The following MYL2 variants were observed in gnomAD, a reference collection of about 807,000 sequenced individuals.
The protein encoded by MYL2 is myosin light chain 2.
MYL2 carries 19 observed loss-of-function variants against 23.0 expected under a neutral mutation model. The ratio of observed to expected loss-of-function variants is 0.83; its 90% CI spans 0.58 to 1.21. The LOEUF (loss-of-function observed/expected upper bound fraction) is 1.21. MYL2 is among the 50% of genes most tolerant of loss of function. The pLI is 0.00. For synonymous variants in MYL2, 78 were observed against 76.2 expected (o/e 1.02, Z -0.13); for missense variants, 180 against 215.1 (o/e 0.84, Z 1.02).
At chr12:110,912,262 C>CAAAGCAAA (rs2071657894) in intron 6 of MYL2, among the ~76,000 whole-genome samples, 2 of 151,948 alleles carry the variant, frequency 1.3e-5, no homozygotes, top group Admixed American at 1.3e-4. Flanking sequence ...GCAAAAGTGC[C>CAAAGCAAA]CCTTCTACCA....
rs1592798234 is a variant in MYL2 at position 110,910,910 on chromosome 12, A to G, written c.*167T>C. 1.5e-6 allele frequency: 1 copy of G among 678,390 alleles called. No individual in the cohort carries two copies. 42.0% of individuals were successfully genotyped at this position (678,390 alleles called of 1,614,324 possible). On this transcript the variant is annotated 3_prime_UTR_variant, in exon 7 of 7. Coordinates refer to ENST00000228841, the MANE Select transcript of MYL2 (RefSeq NM_000432.4). ...ATTTCCAACTGTAGGATGTGCGGCC[A>G]CGAAGTACCCATAGCCACCCAGGCT... is the stretch of plus-strand genomic sequence containing the variant.
Position 110,910,915 on chromosome 12 carries a change from G to T in MYL2, c.*162C>A, listed in dbSNP as rs1369224064. The stretch of plus-strand genomic sequence containing the variant: ...CAACTGTAGGATGTGCGGCCACGAA[G>T]TACCCATAGCCACCCAGGCTGCAAA... On this transcript the variant is annotated 3_prime_UTR_variant, in exon 7 of 7. Coordinates refer to ENST00000228841, the MANE Select transcript of MYL2 (RefSeq NM_000432.4). 6 of 697,022 alleles carry T rather than the reference G, an allele frequency of 8.6e-6. No individual in the cohort carries two copies. The highest frequency in any genetic ancestry group is 1.6e-5 in the Non-Finnish European group (6 of 386,272). 43.2% of individuals were successfully genotyped at this position (697,022 alleles called of 1,614,324 possible).
chr12:110,921,198 C>T (rs992280405), upstream of MYL2, among the ~76,000 whole-genome samples: 1 of 151,384 alleles, frequency 6.6e-6, no homozygotes, highest in Admixed American at 6.6e-5. Flanking sequence ...TGTCTCTACG[C>T]AAAAGAAAAA....
chr12:110,918,530 A>G lies in MYL2; in HGVS notation c.93+574T>C, dbSNP rs1307082677. On this transcript the variant is annotated intron_variant, in intron 2 of 6. Coordinates refer to ENST00000228841, the MANE Select transcript of MYL2 (RefSeq NM_000432.4). The surrounding 1 kb of genome is among the most constrained non-coding windows in gnomAD (Gnocchi z 4.4). ...TTAGTTCTTTTGTTGTTGTTGTTTT[A>G]AGTTCCTTTGACCCAGCAGTTCTGC... Among the ~76,000 whole-genome samples, 1 of 152,180 alleles carries G rather than the reference A, an allele frequency of 6.6e-6. No individual in the cohort carries two copies. Among genetic ancestry groups the G allele is most frequent in the African/African-American group, 2.4e-5 (1 of 41,438 alleles).
intron 1 of MYL2, among the ~76,000 whole-genome samples, chr12:110,919,856 C>T (rs1419693070): frequency 6.6e-6 from 1 of 152,186 alleles, no homozygotes; most frequent in Non-Finnish European, 1.5e-5. Context: ...TTCTCATAAC[C>T]ACTCTGTCAA....
intron 1 of MYL2, 143 bp downstream of exon 1, chr12:110,920,384 C>G (rs576447392): frequency 8.6e-7 from 1 of 1,156,448 alleles, no homozygotes; most frequent in Admixed American, 1.7e-5. Flanking sequence ...CCTCTGTGCC[C>G]GCGCAGTCAA....
intron 4 of MYL2, among the ~76,000 whole-genome samples, 189 bp downstream of exon 4, chr12:110,913,997 T>C (rs1219502532): frequency 2.3e-4 from 35 of 152,208 alleles, no homozygotes; most frequent in Admixed American, 2.3e-3. Flanking sequence ...CCTCAAGTGA[T>C]CTGCCCGCCT....
intron 3 of MYL2, 121 bp downstream of exon 3, chr12:110,915,592 TTG>T (rs1405828033): frequency 1.0e-6 from 1 of 999,110 alleles, no homozygotes; most frequent in African/African-American, 1.6e-5. Flanking sequence ...TAAAGACCAG[TTG>T]TGGCAGAGTT....
At chr12:110,917,946 C>T (rs1261437909) in intron 2 of MYL2, among the ~76,000 whole-genome samples, 2 of 152,032 alleles carry the variant, frequency 1.3e-5, no homozygotes, top group Non-Finnish European at 2.9e-5. Context: ...TAGCTGGGCA[C>T]AGTGGTGTGT....
upstream of MYL2, chr12:110,920,733 G>T: frequency 1.4e-6 from 1 of 700,294 alleles, no homozygotes; most frequent in Non-Finnish European, 2.5e-6. Flanking sequence ...ACTCGCCACT[G>T]GGTGACACGT....
intron 3 of MYL2, 122 bp from the exon 4 acceptor site, chr12:110,914,412 T>G (rs1034078983): frequency 4.1e-6 from 3 of 737,792 alleles, no homozygotes; most frequent in African/African-American, 1.7e-5. Context: ...AGAGATGGGG[T>G]GGATGGAGGC....
chr12:110,920,291 A>G (rs1037231892), intron 1 of MYL2, among the ~76,000 whole-genome samples: 4 of 138,286 alleles, frequency 2.9e-5, no homozygotes, highest in African/African-American at 1.1e-4. Context: ...ACAAGCCATA[A>G]AAAAGCCAAC....
intron 6 of MYL2, 73 bp from the exon 7 acceptor site, chr12:110,911,248 GGGGCCTGAGTGGACGGATAGCT>G: frequency 1.9e-6 from 1 of 517,498 alleles, no homozygotes; most frequent in Non-Finnish European, 3.4e-6. Context: ...GGCTGTGGGC[GGGGCCTGAGTGGACGGATAGCT>G]GGGGGGTGGG....
intron 6 of MYL2, among the ~76,000 whole-genome samples, chr12:110,911,537 ACTTTTCCTTC>A (rs1340289362): frequency 6.6e-6 from 1 of 152,116 alleles, no homozygotes; most frequent in African/African-American, 2.4e-5. Flanking sequence ...TCCTTCATGC[ACTTTTCCTTC>A]CTTGCCCTTC....
intron 1 of MYL2, 62 bp from the exon 2 acceptor site, chr12:110,919,255 C>T (rs538286849): frequency 2.3e-5 from 32 of 1,414,386 alleles, no homozygotes; most frequent in Admixed American, 9.1e-5. Flanking sequence ...CTAGGTCAGG[C>T]CCCTACTCTG....
Position 110,915,759 on chromosome 12 carries a change from C to CCATCCCTG in MYL2, c.117_124dup (p.Gly42AlafsTer11). 1 of 1,614,124 alleles carries CCATCCCTG rather than the reference C, an allele frequency of 6.2e-7. No homozygotes were observed. Among genetic ancestry groups the CCATCCCTG allele is most frequent in the Non-Finnish European group, 8.5e-7 (1 of 1,180,002 alleles). ...TCTCAGATCGTTCTTGTCAATGAAG[C>CCATCCCTG]CATCCCTGTTCTGGTCCATGATAGT... is the stretch of plus-strand genomic sequence containing the variant. On this transcript the variant is annotated frameshift_variant, in exon 3 of 7. Coordinates refer to ENST00000228841, the MANE Select transcript of MYL2 (RefSeq NM_000432.4). LOFTEE classifies it high-confidence loss of function.
chr12:110,911,557 C>T (rs1474922010), intron 6 of MYL2, among the ~76,000 whole-genome samples: 1 of 152,168 alleles, frequency 6.6e-6, no homozygotes, highest in Non-Finnish European at 1.5e-5. Flanking sequence ...CCTTGCCCTT[C>T]CCTGTTCTTC....
intron 3 of MYL2, among the ~76,000 whole-genome samples, chr12:110,915,467 T>C (rs2136773756): frequency 6.6e-6 from 1 of 152,344 alleles, no homozygotes; most frequent in South Asian, 2.1e-4. Context: ...CCATTTTCTG[T>C]TGTGAGCTGA....
chr12:110,920,624 T>C, upstream of MYL2: 9 of 1,593,758 alleles, frequency 5.6e-6, no homozygotes, highest in Non-Finnish European at 7.7e-6. Flanking sequence ...TCCCCATGTT[T>C]AAAAATAACC....
Sources: gnomAD v4.1 joint callset for allele counts (sites outside exome capture counted in the v4.1 genomes callset) on GRCh38, gnomAD v4.1.1 for gene constraint, Gnocchi (gnomAD v3.1) non-coding constraint, MANE v1.5 for transcripts, NCBI Gene and HGNC (gene_info 2026-07-23, HGNC 2026-07-21) for gene names.